The following DNAH9 variants were observed in gnomAD, a reference collection of about 807,000 sequenced individuals.
The protein encoded by DNAH9 is DNAH9 variant protein.
Under a neutral mutation model 471.6 loss-of-function variants are expected in DNAH9, and 345 were observed. The observed-to-expected ratio is 0.73, with a 90% CI of 0.67 to 0.80. The LOEUF (loss-of-function observed/expected upper bound fraction) is 0.80. DNAH9 is among the 30% of genes least tolerant of loss of function. DNAH9 has a pLI of 0.00. For missense variants in DNAH9, 5,407 were observed against 5,609.2 expected, an observed-to-expected ratio of 0.96 and a Z score of 1.15; for synonymous variants, 2,093 against 2,123.6, an observed-to-expected ratio of 0.99 and a Z score of 0.40.
At chr17:11,635,804 C>A (rs1183551910) in intron 8 of DNAH9, among the ~76,000 whole-genome samples, 1 of 152,124 alleles carries the variant, frequency 6.6e-6, no homozygotes, top group African/African-American at 2.4e-5. Context: ...TCTGAATGCA[C>A]AGGAACACAT....
intron 33 of DNAH9, among the ~76,000 whole-genome samples, chr17:11,755,956 G>C (rs929252683): frequency 6.6e-6 from 1 of 152,160 alleles, no homozygotes; most frequent in Non-Finnish European, 1.5e-5. Context: ...CAGAGAGAAT[G>C]AGAGCCAAGT....
chr17:11,964,340 T>C lies in DNAH9; in HGVS notation c.13233+2084T>C, dbSNP rs541518831. Among the ~76,000 whole-genome samples, 269 of 152,224 alleles carry C rather than the reference T, an allele frequency of 1.8e-3. 3 individuals carry two copies. The highest frequency in any genetic ancestry group is 5.8e-3 in the African/African-American group (243 of 41,542). On this transcript the variant is annotated intron_variant, in intron 68 of 68. Transcript: ENST00000262442. ...AATGAGAGAAGTACCAAAAGGAAAG[T>C]AGGCAAGAAGCTCAGAAGGAAAGTC...
intron 27 of DNAH9, among the ~76,000 whole-genome samples, chr17:11,720,339 G>C (rs368269585): frequency 3.3e-5 from 5 of 151,670 alleles, no homozygotes; most frequent in Non-Finnish European, 2.9e-5. Context: ...ATGTTGGTGT[G>C]CTGCACCCAT....
chr17:11,690,261 A>T lies in DNAH9; in HGVS notation c.4439A>T (p.Gln1480Leu), dbSNP rs777984729. The T allele has an allele frequency of 1.7e-5, 28 of 1,614,116 alleles. No homozygotes were observed. Among genetic ancestry groups the T allele is most frequent in the Middle Eastern group, 1.6e-4 (1 of 6,082 alleles). ...EVLEDNQVQL[Q>L]NLVMSKYVAF... The stretch of plus-strand genomic sequence containing the variant: ...CTGGAGGATAATCAAGTTCAACTTC[A>T]GAACCTGGTGATGTCCAAGTATGTT... The change falls in exon 20 of 69, where the codon CAG (glutamine) becomes CTG (leucine). Residue 1480 changes from glutamine (Q) to leucine (L), a missense_variant. By Grantham distance (113) the Gln-to-Leu change is moderately radical. Coordinates refer to ENST00000262442, the MANE Select transcript of DNAH9 (RefSeq NM_001372.4).
At chr17:11,624,566 A>G (rs2072936663) in intron 6 of DNAH9, among the ~76,000 whole-genome samples, 1 of 152,168 alleles carries the variant, frequency 6.6e-6, no homozygotes, top group Non-Finnish European at 1.5e-5. Context: ...ACAAATGAGC[A>G]TAACTAAATC....
intron 22 of DNAH9, among the ~76,000 whole-genome samples, chr17:11,696,144 T>C (rs2074472764): frequency 6.6e-6 from 1 of 152,198 alleles, no homozygotes; most frequent in African/African-American, 2.4e-5. Flanking sequence ...CCTATGTCTA[T>C]CTTTACAAAA....
chr17:11,705,010 C>T lies in DNAH9; in HGVS notation c.5392-15C>T. 1 of 1,613,008 alleles carries T rather than the reference C, an allele frequency of 6.2e-7. No homozygotes were observed. The highest frequency in any genetic ancestry group is 8.5e-7 in the Non-Finnish European group (1 of 1,179,050). ...GCCTATGATTCACCCACCTACTCTA[C>T]CACTCTCTCTTTAGGTAGACAATGC... On this transcript the variant is annotated splice_polypyrimidine_tract_variant and intron_variant, in intron 25 of 68. Transcript: ENST00000262442.
At chr17:11,751,200 A>G (rs1204968840) in intron 32 of DNAH9, among the ~76,000 whole-genome samples, 3 of 152,004 alleles carry the variant, frequency 2.0e-5, no homozygotes, top group East Asian at 3.9e-4. Flanking sequence ...GTGAAAAGAA[A>G]AAGTTAAAAA....
chr17:11,634,564 C>T (rs1374652856), intron 8 of DNAH9, among the ~76,000 whole-genome samples: 1 of 152,164 alleles, frequency 6.6e-6, no homozygotes, highest in African/African-American at 2.4e-5. Context: ...CCACAGAACT[C>T]GGAAAAGTCT....
rs767640678 is a variant in DNAH9, at chr17:11,678,060, T to A, written c.3354-1697T>A. Among the ~76,000 whole-genome samples, 119 of 152,054 alleles carry A rather than the reference T, an allele frequency of 7.8e-4. 1 individual carries two copies. The highest frequency in any genetic ancestry group is 8.4e-4 in the Non-Finnish European group (57 of 67,962). The stretch of plus-strand genomic sequence containing the variant: ...GTTTATTTATTATTTATTTATTTTA[T>A]TTTTTTATTTTTTGAGATGCAGTCT... On this transcript the variant is annotated intron_variant, in intron 17 of 68. Coordinates refer to ENST00000262442, the MANE Select transcript of DNAH9 (RefSeq NM_001372.4).
At chr17:11,816,235 G>A (rs11871736) in intron 45 of DNAH9, among the ~76,000 whole-genome samples, 6,304 of 152,124 alleles carry the variant, frequency 0.041, 458 homozygotes, top group African/African-American at 0.14. Flanking sequence ...TTACGTTATT[G>A]AACAATCCAG....
intron 48 of DNAH9, among the ~76,000 whole-genome samples, chr17:11,825,342 C>A (rs185697734): frequency 6.6e-6 from 1 of 152,288 alleles, no homozygotes; most frequent in Non-Finnish European, 1.5e-5. Context: ...GCCTACCATG[C>A]CCTCACAACA....
At position 11,852,670 on chromosome 17, in the gene DNAH9, G is replaced by A. The variant is rs531474676; in HGVS notation, c.9508-1333G>A. Among the ~76,000 whole-genome samples, 4 of 151,722 alleles carry A rather than the reference G, an allele frequency of 2.6e-5. No individual in the cohort carries two copies. The East Asian group carries it at 7.8e-4, about 30-fold the overall frequency. ...CTTACAGATCCTGAGCAGGGAGAAT[G>A]CAATGAGTTGGGAGGGTAGTGCTCT... On this transcript the variant is annotated intron_variant, in intron 49 of 68. Transcript: ENST00000262442.
chr17:11,736,832 A>G (rs370285943), intron 28 of DNAH9, among the ~76,000 whole-genome samples: 4 of 152,218 alleles, frequency 2.6e-5, no homozygotes, highest in African/African-American at 7.2e-5. Flanking sequence ...GTCAGAATGA[A>G]CAGCAGAAAA....
chr17:11,890,682 T>C (rs1479309319), intron 57 of DNAH9, among the ~76,000 whole-genome samples: 3 of 152,030 alleles, frequency 2.0e-5, no homozygotes, highest in Admixed American at 2.0e-4. Context: ...GTTGTTTTTG[T>C]TGTTGTTGTT....
intron 26 of DNAH9, among the ~76,000 whole-genome samples, chr17:11,717,386 G>A (rs1325071645): frequency 5.5e-5 from 8 of 144,252 alleles, no homozygotes; most frequent in African/African-American, 1.3e-4. Context: ...AAGGGAAAAG[G>A]AAAAAAAAAA....
rs2073288164 is a variant in DNAH9 at position 11,642,218 on chromosome 17, TC to T, written c.1901+1839del. Among the ~76,000 whole-genome samples, 3 of 151,978 alleles carry T rather than the reference TC, an allele frequency of 2.0e-5. No individual in the cohort carries two copies. The South Asian group carries it at 6.2e-4, about 31-fold the overall frequency. ...AGACCTCTATAATTCCCGTGAAAAC[TC>T]CCCCTTGTTTTAAAAATGAATTCAA... On this transcript the variant is annotated intron_variant, in intron 10 of 68. Coordinates refer to ENST00000262442, the MANE Select transcript of DNAH9 (RefSeq NM_001372.4).
chr17:11,926,558 CCATT>C (rs1431825372), intron 62 of DNAH9, among the ~76,000 whole-genome samples: 1 of 152,142 alleles, frequency 6.6e-6, no homozygotes, highest in African/African-American at 2.4e-5. Context: ...GCTTCCAGCT[CCATT>C]CATTTCCCTG....
Position 11,629,566 on chromosome 17 carries a change from C to T in DNAH9, c.1500C>T (p.Cys500=). The change falls in exon 7 of 69, where the codon TGC becomes TGT. Residue 500 remains cysteine (C), a synonymous_variant. Transcript: ENST00000262442. ...YRLLSGSSSD[C]LYLQSTDFEN... is the part of the protein sequence containing the mutation. ...TTCTCTCAGGATCCTCCTCCGACTG[C>T]CTGTACCTCCAAAGCACGGTAGGGT... 1.2e-6 allele frequency: 2 copies of T among 1,613,618 alleles called. No homozygotes were observed. Among genetic ancestry groups the T allele is most frequent in the Non-Finnish European group, 1.7e-6 (2 of 1,179,882 alleles).
Sources: gnomAD v4.1 joint callset for allele counts (sites outside exome capture counted in the v4.1 genomes callset) on GRCh38, gnomAD v4.1.1 for gene constraint, MANE v1.5 for transcripts, NCBI Gene and HGNC (gene_info 2026-07-23, HGNC 2026-07-21) for gene names.